The following CBR3 variants were observed in gnomAD, a reference collection of about 807,000 sequenced individuals.
The protein encoded by CBR3 is carbonyl reductase [NADPH] 3.
A neutral mutation model predicts 11.6 loss-of-function variants in CBR3; 14 were observed. The observed-to-expected ratio is 1.20, with a 90% CI of 0.79 to 1.88. CBR3 has a LOEUF of 1.88. Ranked by LOEUF, CBR3 falls within the 40% of genes most tolerant of loss-of-function variation. The pLI is 0.00. For synonymous variants in CBR3, 125 were observed against 145.6 expected, an observed-to-expected ratio of 0.86 and a Z score of 1.02; for missense variants, 308 against 357.3, an observed-to-expected ratio of 0.86 and a Z score of 1.11.
At chr21:36,138,107 A>AGTTTG (rs902357353) in intron 2 of CBR3, among the ~76,000 whole-genome samples, 175 bp downstream of exon 2, 3 of 130,750 alleles carry the variant, frequency 2.3e-5, no homozygotes, top group African/African-American at 2.6e-5. Context: ...CCAACATTTT[A>AGTTTG]GTTTAGTTTA....
At chr21:36,141,100 C>T (rs1048102722) in intron 2 of CBR3, among the ~76,000 whole-genome samples, 1 of 150,164 alleles carries the variant, frequency 6.7e-6, no homozygotes, top group African/African-American at 2.4e-5. Flanking sequence ...CCCAGCTCTA[C>T]ACAAAAAATG....
chr21:36,138,415 G>A (rs1474688006), intron 2 of CBR3: 2 of 153,860 alleles, frequency 1.3e-5, no homozygotes, highest in Admixed American at 6.4e-5. Context: ...CTCCCAAAGT[G>A]TTAGAATTAC....
chr21:36,137,638 G>T (rs1174594996), intron 1 of CBR3, among the ~76,000 whole-genome samples, 187 bp from the exon 2 acceptor site: 1 of 152,174 alleles, frequency 6.6e-6, no homozygotes, highest in African/African-American at 2.4e-5. Context: ...AGGAAGCTGT[G>T]TTTTAACAGG....
At chr21:36,145,960 C>CAAAA (rs367940562) in intron 2 of CBR3, 116 bp from the exon 3 acceptor site, 220 of 455,490 alleles carry the variant, frequency 4.8e-4, no homozygotes, top group Admixed American at 9.1e-4. Flanking sequence ...GACTCTGTCT[C>CAAAA]AAAAAAAAAA....
At chr21:36,142,015 TCTC>T (rs2065713207) in intron 2 of CBR3, 2 of 557,584 alleles carry the variant, frequency 3.6e-6, no homozygotes, top group South Asian at 1.6e-4. Flanking sequence ...TTGATGTGAC[TCTC>T]CTCATGAGAA....
chr21:36,145,978 AAAAC>A, intron 2 of CBR3, 94 bp from the exon 3 acceptor site: 1 of 823,874 alleles, frequency 1.2e-6, no homozygotes, highest in Non-Finnish European at 1.8e-6. Flanking sequence ...AAAAAAAAAA[AAAAC>A]CTGCACCAAG....
rs914608386 is a variant in CBR3, at chr21:36,146,132, G to A, written c.454G>A (p.Glu152Lys). 6.2e-6 allele frequency: 10 copies of A among 1,613,644 alleles called. No homozygotes were observed. The highest frequency in any genetic ancestry group is 2.7e-5 in the African/African-American group (2 of 74,892). Residue 152 changes from glutamate to lysine, a missense_variant, in exon 3 of 3, where the codon GAA becomes AAA. Coordinates refer to ENST00000290354, the MANE Select transcript of CBR3 (RefSeq NM_001236.4). Reference protein sequence around the residue: ...QCLRAFENCSEDLQERFHSET... With the variant: ...QCLRAFENCSKDLQERFHSET... ...TTTAAGGGCTTTTGAAAACTGCAGT[G>A]AAGATCTGCAGGAAAGGTTCCACAG...
intron 2 of CBR3, chr21:36,144,841 C>A (rs1043567265): frequency 2.0e-5 from 3 of 152,006 alleles, no homozygotes; most frequent in Non-Finnish European, 4.4e-5. Context: ...TAGTGGCTCA[C>A]GCCTGTAATT....
chr21:36,142,353 A>T (rs1378819195), intron 2 of CBR3, among the ~76,000 whole-genome samples: 3 of 139,946 alleles, frequency 2.1e-5, no homozygotes, highest in African/African-American at 8.0e-5. Flanking sequence ...AATGGCATGA[A>T]CCCGGGAGGT....
In CBR3 at chr21:36,135,121, TC is replaced by T; in HGVS notation, c.-71del. On this transcript the variant is annotated 5_prime_UTR_variant, in exon 1 of 3. Transcript: ENST00000290354. ...GCGGCATTGACACTAGCTGGGCTCC[TC>T]GGGGCGCGCCCCAGGTGGTCCGAAG... 2.9e-6 allele frequency: 4 copies of T among 1,375,860 alleles called. No homozygotes were observed. Among genetic ancestry groups the T allele is most frequent in the Non-Finnish European group, 1.9e-6 (2 of 1,060,816 alleles). 85.2% of individuals were successfully genotyped at this position (1,375,860 alleles called of 1,614,324 possible). A position where few individuals can be genotyped will look rare whatever the true frequency, so the allele number is the denominator to read the frequency against.
At chr21:36,142,437 A>AAAAAAAAAAAAAAAAAC (rs1555883305) in intron 2 of CBR3, among the ~76,000 whole-genome samples, 1 of 82,252 alleles carries the variant, frequency 1.2e-5, no homozygotes, top group African/African-American at 3.6e-5. Context: ...ATCTCAAAAA[A>AAAAAAAAAAAAAAAAAC]AAAAAAAAAA....
intron 2 of CBR3, among the ~76,000 whole-genome samples, chr21:36,142,362 G>A (rs2065716472): frequency 6.9e-6 from 1 of 143,966 alleles, no homozygotes; most frequent in South Asian, 2.2e-4. Flanking sequence ...AACCCGGGAG[G>A]TGGAGCTTGC....
intron 1 of CBR3, among the ~76,000 whole-genome samples, chr21:36,136,507 G>A (rs1476259641): frequency 6.6e-6 from 1 of 152,148 alleles, no homozygotes; most frequent in Non-Finnish European, 1.5e-5. Context: ...AACTCAGCCT[G>A]CCGGCTTTCT....
chr21:36,142,442 A>AAAAAAAAAAAC (rs2065719996), intron 2 of CBR3, among the ~76,000 whole-genome samples: 1 of 149,024 alleles, frequency 6.7e-6, no homozygotes, highest in Non-Finnish European at 1.5e-5. Flanking sequence ...AAAAAAAAAA[A>AAAAAAAAAAAC]AAAAAACGCA....
chr21:36,137,503 AAAGGAAGGAAGGAAGGAAGG>A (rs58466732), intron 1 of CBR3: 5,996 of 189,100 alleles, frequency 0.032, 145 homozygotes, highest in African/African-American at 0.064. Flanking sequence ...GAAAAGAAAG[AAAGGAAGGAAGGAAGGAAGG>A]AAGGAAGGAA....
chr21:36,138,052 A>T, intron 2 of CBR3, 120 bp downstream of exon 2: 1 of 636,350 alleles, frequency 1.6e-6, no homozygotes, highest in Non-Finnish European at 2.9e-6. Flanking sequence ...GAAGGGGGAA[A>T]AATAGAAAAT....
At chr21:36,141,716 G>A (rs2065711016) in intron 2 of CBR3, 1 of 153,674 alleles carries the variant, frequency 6.5e-6, no homozygotes, top group Non-Finnish European at 1.4e-5. Context: ...CCTCAGTGGA[G>A]GGTGGTGTGG....
intron 2 of CBR3, among the ~76,000 whole-genome samples, chr21:36,140,344 C>T (rs755948311): frequency 1.2e-4 from 18 of 151,946 alleles, no homozygotes; most frequent in Non-Finnish European, 2.1e-4. Context: ...CCAATATAAA[C>T]GCACATTTTA....
chr21:36,146,264 G>A lies in CBR3; in HGVS notation c.586G>A (p.Val196Met), dbSNP rs527633012. 1.9e-6 allele frequency: 3 copies of A among 1,614,168 alleles called. No homozygotes were observed. Among genetic ancestry groups the A allele is most frequent in the South Asian group, 2.2e-5 (2 of 91,086 alleles). Reference protein sequence around the residue: ...REGWPNSPYGVSKLGVTVLSR... With the variant: ...REGWPNSPYGMSKLGVTVLSR... ...AGGCTGGCCCAACTCACCTTATGGG[G>A]TGTCCAAGTTGGGGGTCACGGTCTT... The change falls in exon 3 of 3, where the codon GTG (valine) becomes ATG (methionine). Residue 196 changes from valine (V) to methionine (M), a missense_variant. Coordinates refer to ENST00000290354, the MANE Select transcript of CBR3 (RefSeq NM_001236.4).
Sources: allele counts gnomAD v4.1 joint callset (sites outside exome capture counted in the v4.1 genomes callset), GRCh38; gene constraint gnomAD v4.1.1; transcripts MANE v1.5; gene names NCBI Gene and HGNC (gene_info 2026-07-23, HGNC 2026-07-21).